NKAIN3: variants seen among roughly 807,000 people sequenced by gnomAD.
NKAIN3 encodes sodium/potassium-transporting ATPase subunit beta-1-interacting protein 3.
Under a neutral mutation model 30.2 loss-of-function variants are expected in NKAIN3, and 25 were observed. The ratio of observed to expected loss-of-function variants is 0.83; its 90% confidence interval spans 0.60 to 1.16. The LOEUF (loss-of-function observed/expected upper bound fraction) is 1.16. Among genes scored for constraint, NKAIN3 ranks in the 50% most tolerant of loss-of-function variants. The pLI, the probability that NKAIN3 is intolerant of heterozygous loss-of-function variation, is 0.00. For synonymous variants in NKAIN3, 91 were observed against 89.6 expected (o/e 1.02, Z -0.09); for missense variants, 225 against 254.1 (o/e 0.89, Z 0.78).
intron 1 of NKAIN3, among the ~76,000 whole-genome samples, chr8:62,558,929 A>G (rs556046300): frequency 3.3e-5 from 5 of 151,924 alleles, no homozygotes; most frequent in Admixed American, 2.6e-4. Flanking sequence ...GAGACTTTTT[A>G]TTTGAAGATA....
intron 1 of NKAIN3, among the ~76,000 whole-genome samples, chr8:62,530,748 C>T (rs1204174449): frequency 5.9e-5 from 9 of 152,098 alleles, no homozygotes; most frequent in Non-Finnish European, 1.2e-4. Context: ...AAGAGACTCT[C>T]CTGCCTCAGC....
At chr8:62,559,587 C>G (rs572427735) in intron 1 of NKAIN3, among the ~76,000 whole-genome samples, 1 of 151,960 alleles carries the variant, frequency 6.6e-6, no homozygotes, top group East Asian at 1.9e-4. Context: ...CCATGCATAG[C>G]TTTTTTAGTG....
At chr8:62,781,574 T>C (rs951854200) in intron 4 of NKAIN3, among the ~76,000 whole-genome samples, 49 of 151,924 alleles carry the variant, frequency 3.2e-4, no homozygotes, top group African/African-American at 1.1e-3. Flanking sequence ...AGAATAAAAA[T>C]AGATGCATGG....
chr8:62,756,497 G>A (rs1276507833), intron 4 of NKAIN3, among the ~76,000 whole-genome samples: 1 of 151,918 alleles, frequency 6.6e-6, no homozygotes, highest in Non-Finnish European at 1.5e-5. Context: ...AAAATTTTCT[G>A]AACTAAAATT....
At chr8:62,749,326 A>G (rs566078515) in intron 4 of NKAIN3, among the ~76,000 whole-genome samples, 1 of 152,350 alleles carries the variant, frequency 6.6e-6, no homozygotes, top group South Asian at 2.1e-4. Flanking sequence ...AGGACAATCT[A>G]AATAAACTGT....
chr8:62,815,422 G>T (rs1396695355), intron 4 of NKAIN3, among the ~76,000 whole-genome samples: 1 of 152,102 alleles, frequency 6.6e-6, no homozygotes. Context: ...AACCAAAAAA[G>T]AGAATTTTAG....
chr8:62,847,814 A>T (rs28881312), intron 4 of NKAIN3, among the ~76,000 whole-genome samples: 16,854 of 151,946 alleles, frequency 0.11, 996 homozygotes, highest in African/African-American at 0.15. Flanking sequence ...AGTTTTGGGG[A>T]TTACATTTAA....
intron 4 of NKAIN3, among the ~76,000 whole-genome samples, chr8:62,813,401 T>C (rs1040954045): frequency 3.3e-5 from 5 of 151,936 alleles, no homozygotes; most frequent in African/African-American, 1.2e-4. Flanking sequence ...ATTTTGGTGA[T>C]GCTATTACAT....
intron 3 of NKAIN3, among the ~76,000 whole-genome samples, chr8:62,684,264 G>A (rs544300913): frequency 6.6e-6 from 1 of 152,308 alleles, no homozygotes; most frequent in South Asian, 2.1e-4. Flanking sequence ...AAATTCTGGT[G>A]TCAATGCAGA....
chr8:62,932,680 T>C (rs1250261505), intron 5 of NKAIN3, among the ~76,000 whole-genome samples: 3 of 152,138 alleles, frequency 2.0e-5, no homozygotes, highest in Non-Finnish European at 1.5e-5. Flanking sequence ...TTGGATTCCA[T>C]TTTACACTAG....
chr8:62,676,664 G>A (rs1813487046), intron 3 of NKAIN3, among the ~76,000 whole-genome samples: 1 of 151,614 alleles, frequency 6.6e-6, no homozygotes, highest in Non-Finnish European at 1.5e-5. Flanking sequence ...TAAGTTATAT[G>A]AGGTTTATGT....
At chr8:62,947,201 A>G (rs1823149934) in intron 5 of NKAIN3, among the ~76,000 whole-genome samples, 1 of 152,190 alleles carries the variant, frequency 6.6e-6, no homozygotes, top group South Asian at 2.1e-4. Flanking sequence ...GATCCTAAAG[A>G]TAATAAGAAT....
chr8:62,507,365 G>A (rs1253864639), intron 1 of NKAIN3, among the ~76,000 whole-genome samples: 1 of 152,094 alleles, frequency 6.6e-6, no homozygotes, highest in African/African-American at 2.4e-5. Flanking sequence ...CACACAGCAG[G>A]CACTCATTAA....
intron 4 of NKAIN3, among the ~76,000 whole-genome samples, chr8:62,915,132 C>A (rs1023514759): frequency 6.6e-6 from 1 of 152,134 alleles, no homozygotes; most frequent in Non-Finnish European, 1.5e-5. Context: ...TTGTGCAGAA[C>A]CTGCTGCGAG....
At chr8:62,910,654 A>C (rs1332055137) in intron 4 of NKAIN3, among the ~76,000 whole-genome samples, 1 of 152,156 alleles carries the variant, frequency 6.6e-6, no homozygotes, top group African/African-American at 2.4e-5. Flanking sequence ...TCAACTACTA[A>C]CAGTTAATAC....
At chr8:62,343,065 T>C (rs1563941136) in intron 1 of NKAIN3, among the ~76,000 whole-genome samples, 1 of 152,082 alleles carries the variant, frequency 6.6e-6, no homozygotes, top group Admixed American at 6.6e-5. Flanking sequence ...ATCATTATTA[T>C]TATTGCAGAC....
chr8:62,993,032 T>A (rs1824353656), intron 5 of NKAIN3, among the ~76,000 whole-genome samples: 1 of 149,368 alleles, frequency 6.7e-6, no homozygotes, highest in Non-Finnish European at 1.5e-5. Context: ...CCTAGGATCC[T>A]GAAGGTTTTG....
intron 1 of NKAIN3, among the ~76,000 whole-genome samples, chr8:62,450,449 C>A (rs549786976): frequency 7.0e-4 from 106 of 152,186 alleles, no homozygotes; most frequent in African/African-American, 2.4e-3. Flanking sequence ...ATCTGCTTAC[C>A]CAGAGCAAAC....
Position 62,863,738 on chromosome 8 carries a change from A to C in NKAIN3, c.472-54715A>C, listed in dbSNP as rs1820330543. The stretch of plus-strand genomic sequence containing the variant: ...ACTTTTTACAACTTTCATTGCAACA[A>C]ATCTTTTCCCCTACATATCCCAGCA... On this transcript the variant is annotated intron_variant, in intron 4 of 6. Transcript: ENST00000623646. 5 of 1,594,622 alleles carry C rather than the reference A, an allele frequency of 3.1e-6. No individual in the cohort carries two copies. In the Admixed American group the frequency reaches 6.7e-5, roughly 21 times the overall value.
Sources: gnomAD v4.1 joint callset for allele counts (sites outside exome capture counted in the v4.1 genomes callset) on GRCh38, gnomAD v4.1.1 for gene constraint, MANE v1.5 for transcripts, NCBI Gene and HGNC (gene_info 2026-07-23, HGNC 2026-07-21) for gene names.